FSTL4: variants seen among roughly 807,000 people sequenced by gnomAD.
FSTL4 encodes the protein follistatin-related protein 4.
FSTL4 carries 28 observed loss-of-function variants against 78.2 expected under a neutral mutation model. That is an observed-to-expected ratio of 0.36 (90% CI 0.27 to 0.49). The LOEUF (loss-of-function observed/expected upper bound fraction) is 0.49. Among genes scored for constraint, FSTL4 ranks in the 20% least tolerant of loss-of-function variants. FSTL4 has a pLI of 0.98. For synonymous variants in FSTL4, 422 were observed against 440.5 expected (o/e 0.96, Z 0.53); for missense variants, 922 against 1,084.9 (o/e 0.85, Z 2.11).
chr5:133,619,944 TTAA>T, the FSTL4 span, among the ~76,000 whole-genome samples: 1 of 152,232 alleles, frequency 6.6e-6, no homozygotes, highest in African/African-American at 2.4e-5. Context: ...AATGCAATCA[TTAA>T]TAACATTCTT....
At chr5:133,626,918 T>C in the FSTL4 span, among the ~76,000 whole-genome samples, 19 of 152,156 alleles carry the variant, frequency 1.2e-4, no homozygotes, top group Non-Finnish European at 1.9e-4. Context: ...ATGGTGTTCT[T>C]GAATTCTTCT....
chr5:133,583,421 G>A, intron 2 of FSTL4: 1 of 290,884 alleles, frequency 3.4e-6, no homozygotes, highest in Non-Finnish European at 6.8e-6. Flanking sequence ...CCAGACAGTG[G>A]GCGCAGGCCA....
At chr5:133,420,896 G>T (rs1012870012) in intron 3 of FSTL4, among the ~76,000 whole-genome samples, 2 of 152,254 alleles carry the variant, frequency 1.3e-5, no homozygotes, top group Non-Finnish European at 2.9e-5. Flanking sequence ...ATACGAGAAG[G>T]GTGACGGGAC....
intron 3 of FSTL4, among the ~76,000 whole-genome samples, chr5:133,482,421 G>C (rs1481589271): frequency 6.6e-6 from 1 of 152,224 alleles, no homozygotes; most frequent in East Asian, 1.9e-4. Flanking sequence ...GCAAGGGTAG[G>C]GGCTGCCCAG....
intron 4 of FSTL4, among the ~76,000 whole-genome samples, chr5:133,378,280 T>G (rs1004698246): frequency 2.0e-5 from 3 of 152,202 alleles, no homozygotes; most frequent in African/African-American, 7.2e-5. Flanking sequence ...TAGCTGATTT[T>G]AAAAGCAATT....
At chr5:133,837,943 A>C in the FSTL4 span, among the ~76,000 whole-genome samples, 1 of 152,122 alleles carries the variant, frequency 6.6e-6, no homozygotes, top group Non-Finnish European at 1.5e-5. Context: ...GCTGGAGTGC[A>C]ATGGCACAAT....
intron 3 of FSTL4, among the ~76,000 whole-genome samples, chr5:133,547,153 T>G (rs1173727256): frequency 1.3e-5 from 2 of 152,210 alleles, no homozygotes; most frequent in African/African-American, 4.8e-5. Context: ...AAGATTATTC[T>G]GCAGCCTCAA....
chr5:133,269,208 AAG>A (rs1303211160), intron 6 of FSTL4, among the ~76,000 whole-genome samples: 4 of 151,272 alleles, frequency 2.6e-5, no homozygotes, highest in Admixed American at 2.6e-4. Context: ...AAAAAAAAGA[AAG>A]AGCCAGGCAA....
At chr5:133,424,958 A>G (rs1195223856) in intron 3 of FSTL4, among the ~76,000 whole-genome samples, 1 of 152,222 alleles carries the variant, frequency 6.6e-6, no homozygotes, top group African/African-American at 2.4e-5. Flanking sequence ...AGATAACCTA[A>G]TCAAAAGAAA....
chr5:133,704,781 T>TTTAAC, the FSTL4 span, among the ~76,000 whole-genome samples: 3,715 of 152,306 alleles, frequency 0.024, 154 homozygotes, highest in African/African-American at 0.086. Flanking sequence ...AAAGGCCAGT[T>TTTAAC]CTGCCAGCAG....
At chr5:133,554,062 C>A (rs905842190) in intron 3 of FSTL4, among the ~76,000 whole-genome samples, 1 of 152,184 alleles carries the variant, frequency 6.6e-6, no homozygotes, top group South Asian at 2.1e-4. Flanking sequence ...TAAGGGGTGA[C>A]CCTGTGGGGC....
chr5:133,781,361 G>C, the FSTL4 span, among the ~76,000 whole-genome samples: 1 of 108,000 alleles, frequency 9.3e-6, no homozygotes, highest in Non-Finnish European at 1.9e-5. Context: ...TGATTGTTAA[G>C]CGGTTGTGTG....
intron 4 of FSTL4, among the ~76,000 whole-genome samples, chr5:133,375,494 C>A (rs938583593): frequency 6.6e-6 from 1 of 151,744 alleles, no homozygotes; most frequent in African/African-American, 2.4e-5. Context: ...TTAAAGACCC[C>A]TAATCAATAT....
intron 6 of FSTL4, among the ~76,000 whole-genome samples, chr5:133,306,767 C>G (rs66465016): frequency 0.15 from 22,892 of 152,154 alleles, 1,889 homozygotes; most frequent in African/African-American, 0.19. Context: ...GCAACTCTGA[C>G]CAAGGCCTTC....
the FSTL4 span, among the ~76,000 whole-genome samples, chr5:133,769,507 C>T: frequency 6.6e-6 from 1 of 152,120 alleles, no homozygotes. Flanking sequence ...GTCTGGTTAC[C>T]CCTGCCCCAC....
intron 3 of FSTL4, among the ~76,000 whole-genome samples, chr5:133,420,128 T>C (rs13156540): frequency 0.051 from 7,807 of 152,298 alleles, 378 homozygotes; most frequent in Admixed American, 0.14. Flanking sequence ...CAGTGTTATA[T>C]TGAGTTTGAG....
chr5:133,396,618 C>G (rs1756054838), intron 4 of FSTL4, among the ~76,000 whole-genome samples: 1 of 152,156 alleles, frequency 6.6e-6, no homozygotes, highest in African/African-American at 2.4e-5. Flanking sequence ...CCTGGCAGGA[C>G]AGAGAATACT....
chr5:133,227,030 G>T (rs113006634), intron 8 of FSTL4, among the ~76,000 whole-genome samples: 1 of 152,164 alleles, frequency 6.6e-6, no homozygotes, highest in South Asian at 2.1e-4. Context: ...AACTCAGTCT[G>T]AATTTCAAAT....
At chr5:133,839,922 C>A in the FSTL4 span, among the ~76,000 whole-genome samples, 1 of 152,230 alleles carries the variant, frequency 6.6e-6, no homozygotes, top group Non-Finnish European at 1.5e-5. Flanking sequence ...GTGTGAGCTT[C>A]ATTTCTGCCA....
Sources: allele counts gnomAD v4.1 joint callset (sites outside exome capture counted in the v4.1 genomes callset), GRCh38; gene constraint gnomAD v4.1.1; transcripts MANE v1.5; gene names NCBI Gene and HGNC (gene_info 2026-07-23, HGNC 2026-07-21).